Variants in RETREG1 observed in about 807,000 individuals in gnomAD.
The protein encoded by RETREG1 is family with sequence similarity 134 member B.
A neutral mutation model predicts 54.8 loss-of-function variants in RETREG1; 44 were observed. The ratio of observed to expected loss-of-function variants is 0.80; its 90% CI spans 0.63 to 1.03. The LOEUF (loss-of-function observed/expected upper bound fraction) is 1.03, where lower values mean the gene tolerates loss of function less well. Among genes scored for constraint, RETREG1 ranks in the 50% least tolerant of loss-of-function variants. The probability of loss-of-function intolerance (pLI) is 0.00; values close to 1 mark genes in which losing one functional copy is unlikely to be tolerated. For missense variants in RETREG1, 554 were observed against 605.1 expected (o/e 0.92, Z 0.89); for synonymous variants, 217 against 238.5 (o/e 0.91, Z 0.83).
rs369584340 is a variant in RETREG1 at position 16,593,463 on chromosome 5, A to C, written c.321-21361T>G. The stretch of plus-strand genomic sequence containing the variant: ...CTGTTGCTCATTCAGTATTTGTTGT[A>C]CAAATGATTCAATTAATGTAATTAA... On this transcript the variant is annotated intron_variant, in intron 1 of 8. Coordinates refer to ENST00000306320, the MANE Select transcript of RETREG1 (RefSeq NM_001034850.3). The surrounding 1 kb of genome is among the most constrained non-coding windows in gnomAD (Gnocchi z 4.9). Among the ~76,000 whole-genome samples, 1 of 152,214 alleles carries C rather than the reference A, an allele frequency of 6.6e-6. No homozygotes were observed. The highest frequency in any genetic ancestry group is 1.5e-5 in the Non-Finnish European group (1 of 68,040).
intron 3 of RETREG1, among the ~76,000 whole-genome samples, chr5:16,535,773 G>T (rs1039200400): frequency 8.3e-6 from 1 of 120,828 alleles, no homozygotes; most frequent in Non-Finnish European, 1.7e-5. Context: ...CTGTGTGCAC[G>T]CTGCCTTCAC....
intron 3 of RETREG1, among the ~76,000 whole-genome samples, chr5:16,515,878 A>C (rs1362449927): frequency 6.6e-6 from 1 of 152,220 alleles, no homozygotes; most frequent in Non-Finnish European, 1.5e-5. Context: ...TGGCAGACCA[A>C]GAGCAAACAC....
rs1410681246 is a variant in RETREG1 at position 16,483,868 on chromosome 5, A to T, written c.459-396T>A. On this transcript the variant is annotated intron_variant, in intron 3 of 8. Coordinates refer to ENST00000306320, the MANE Select transcript of RETREG1 (RefSeq NM_001034850.3). ...AAATGTGCTATCCTATTGAGTCTCA[A>T]TGTGACTCCAGCAAAGTCAACCAGA... 2.0e-5 allele frequency among the ~76,000 whole-genome samples: 3 copies of T among 152,094 alleles called. 1 individual carries two copies. The East Asian group carries it at 5.8e-4, about 29-fold the overall frequency.
chr5:16,593,712 CCT>C lies in RETREG1; in HGVS notation c.321-21612_321-21611del, dbSNP rs1013940611. 5.3e-5 allele frequency among the ~76,000 whole-genome samples: 8 copies of C among 152,128 alleles called. No homozygotes were observed. Among genetic ancestry groups the C allele is most frequent in the African/African-American group, 1.9e-4 (8 of 41,436 alleles). On this transcript the variant is annotated intron_variant, in intron 1 of 8. Transcript: ENST00000306320. This position sits in a 1 kb window ranked among gnomAD's most constrained non-coding sequence, Gnocchi z 4.9. Reference sequence around the variant, plus strand: ...ATTTCTTCTCTTTCAGAAGACCTGGCCTCTGATAACCAAGAGAAGTAAATCTA... The same window carrying C: ...ATTTCTTCTCTTTCAGAAGACCTGGCCTGATAACCAAGAGAAGTAAATCTA...
At chr5:16,503,127 C>T (rs1561092474) in intron 3 of RETREG1, among the ~76,000 whole-genome samples, 1 of 152,218 alleles carries the variant, frequency 6.6e-6, no homozygotes, top group Non-Finnish European at 1.5e-5. Flanking sequence ...GGCGTGATTA[C>T]AGGAAGCTCA....
chr5:16,487,446 T>C (rs1046224321), intron 3 of RETREG1, among the ~76,000 whole-genome samples: 3 of 152,204 alleles, frequency 2.0e-5, no homozygotes, highest in Non-Finnish European at 4.4e-5. Flanking sequence ...TCACCCCCGA[T>C]GACCATCATC....
intron 3 of RETREG1, among the ~76,000 whole-genome samples, chr5:16,504,108 C>T (rs990130730): frequency 2.0e-5 from 3 of 152,208 alleles, no homozygotes; most frequent in South Asian, 2.1e-4. Flanking sequence ...CGTGTGTCCA[C>T]GTGTTCTCAC....
intron 3 of RETREG1, among the ~76,000 whole-genome samples, chr5:16,531,898 A>C (rs1170895280): frequency 6.6e-6 from 1 of 152,172 alleles, no homozygotes; most frequent in Non-Finnish European, 1.5e-5. Flanking sequence ...CTCTAATTGC[A>C]AGGTTCCTTT....
At chr5:16,514,807 T>C (rs2126572219) in intron 3 of RETREG1, among the ~76,000 whole-genome samples, 1 of 151,822 alleles carries the variant, frequency 6.6e-6, no homozygotes, top group Admixed American at 6.6e-5. Context: ...CCTGAGTTAC[T>C]TCACGTAGAA....
At chr5:16,513,929 G>A (rs1414642641) in intron 3 of RETREG1, among the ~76,000 whole-genome samples, 1 of 152,076 alleles carries the variant, frequency 6.6e-6, no homozygotes, top group African/African-American at 2.4e-5. Context: ...TATTCTGACA[G>A]CACTTTCTTT....
intron 3 of RETREG1, among the ~76,000 whole-genome samples, chr5:16,524,013 C>T (rs963254485): frequency 6.6e-6 from 1 of 152,176 alleles, no homozygotes; most frequent in Non-Finnish European, 1.5e-5. Context: ...CAGGGCTCCC[C>T]TCAACTGGTC....
intron 5 of RETREG1, 87 bp downstream of exon 5, chr5:16,480,922 T>TC (rs1359417178): frequency 4.3e-5 from 37 of 855,312 alleles, no homozygotes; most frequent in Non-Finnish European, 6.4e-5. Flanking sequence ...TAAGAACTCA[T>TC]CCCCCCTCTT....
chr5:16,519,118 C>A (rs374598178), intron 3 of RETREG1, among the ~76,000 whole-genome samples: 1 of 152,082 alleles, frequency 6.6e-6, no homozygotes, highest in South Asian at 2.1e-4. Context: ...ATGATGCCAT[C>A]GATAATGACA....
At position 16,593,082 on chromosome 5, in the gene RETREG1, G is replaced by A. The variant is rs531078708; in HGVS notation, c.321-20980C>T. On this transcript the variant is annotated intron_variant, in intron 1 of 8. Transcript: ENST00000306320. This position sits in a 1 kb window ranked among gnomAD's most constrained non-coding sequence, Gnocchi z 4.9. ...GAAAATGTGGATTCTTTGACAAAAG[G>A]CGTTTGCTTCCTAAAGCTCGGCAAA... is the stretch of plus-strand genomic sequence containing the variant. Among the ~76,000 whole-genome samples, 3 of 152,118 alleles carry A rather than the reference G, an allele frequency of 2.0e-5. No homozygotes were observed. Among genetic ancestry groups the A allele is most frequent in the Non-Finnish European group, 4.4e-5 (3 of 68,020 alleles).
intron 5 of RETREG1, among the ~76,000 whole-genome samples, chr5:16,480,680 A>AT (rs1738729953): frequency 6.6e-6 from 1 of 151,994 alleles, no homozygotes; most frequent in African/African-American, 2.4e-5. Context: ...GGTTTTAATT[A>AT]TTTTTTTGAG....
At chr5:16,500,784 A>G (rs1300721230) in intron 3 of RETREG1, among the ~76,000 whole-genome samples, 1 of 152,086 alleles carries the variant, frequency 6.6e-6, no homozygotes, top group Admixed American at 6.5e-5. Context: ...CGTTAAAGCA[A>G]TCCTAGGAAG....
chr5:16,475,019 A>C lies in RETREG1; in HGVS notation c.1216T>G (p.Phe406Val). ...CCAGCCAGGTTGCTCATCAGGTGAA[A>C]GGTTTGGTCACTGTTCAGAGGAAGG... ...LTLPLNSDQTFHLMSNLAGDV... is the reference protein window; with the variant it reads ...LTLPLNSDQTVHLMSNLAGDV... The change falls in exon 9 of 9, where the codon TTT becomes GTT. Residue 406 changes from phenylalanine to valine, a missense_variant. Coordinates refer to ENST00000306320, the MANE Select transcript of RETREG1 (RefSeq NM_001034850.3). The C allele has an allele frequency of 6.2e-7, 1 of 1,613,678 alleles. No individual in the cohort carries two copies. Among genetic ancestry groups the C allele is most frequent in the Non-Finnish European group, 8.5e-7 (1 of 1,179,736 alleles).
chr5:16,487,199 T>C (rs1739052269), intron 3 of RETREG1, among the ~76,000 whole-genome samples: 1 of 152,218 alleles, frequency 6.6e-6, no homozygotes. Flanking sequence ...AAGTCTTCTG[T>C]GACTGACGCT....
rs373672186 is a variant in RETREG1, at chr5:16,585,919, C to T, written c.321-13817G>A. 6.6e-6 allele frequency among the ~76,000 whole-genome samples: 1 copy of T among 152,092 alleles called. No individual in the cohort carries two copies. The highest frequency in any genetic ancestry group is 1.5e-5 in the Non-Finnish European group (1 of 68,032). On this transcript the variant is annotated intron_variant, in intron 1 of 8. Coordinates refer to ENST00000306320, the MANE Select transcript of RETREG1 (RefSeq NM_001034850.3). The surrounding 1 kb of genome is among the most constrained non-coding windows in gnomAD (Gnocchi z 4.5). ...ACAGCACCAAGCTATGAGAGATCCA[C>T]CCCCATCACCCAAACACCTCCCACC...
Sources: gnomAD v4.1 joint callset for allele counts (sites outside exome capture counted in the v4.1 genomes callset) on GRCh38, gnomAD v4.1.1 for gene constraint, Gnocchi (gnomAD v3.1) non-coding constraint, MANE v1.5 for transcripts, NCBI Gene and HGNC (gene_info 2026-07-23, HGNC 2026-07-21) for gene names.